MTA3: variants seen among roughly 807,000 people sequenced by gnomAD.
The protein encoded by MTA3 is metastasis-associated protein MTA3.
MTA3 carries 34 observed loss-of-function variants against 83.5 expected under a neutral mutation model. That is an observed-to-expected ratio of 0.41 (90% CI 0.31 to 0.54). The LOEUF (loss-of-function observed/expected upper bound fraction) is 0.54, where lower values mean the gene tolerates loss of function less well. Among genes scored for constraint, MTA3 ranks in the 20% least tolerant of loss-of-function variants. MTA3 has a pLI of 0.33. For synonymous variants in MTA3, 303 were observed against 252.7 expected (o/e 1.20, Z -1.89); for missense variants, 761 against 726.4 (o/e 1.05, Z -0.55).
At chr2:42,715,920 A>AG (rs1666993182) in intron 14 of MTA3, among the ~76,000 whole-genome samples, 1 of 152,236 alleles carries the variant, frequency 6.6e-6, no homozygotes, top group Non-Finnish European at 1.5e-5. Context: ...ATAGAGAAGA[A>AG]AGAAAAATTT....
intron 11 of MTA3, among the ~76,000 whole-genome samples, chr2:42,701,132 A>G (rs906141782): frequency 6.6e-6 from 1 of 151,704 alleles, no homozygotes; most frequent in Non-Finnish European, 1.5e-5. Context: ...TAAATAATAC[A>G]TTTTTATAAT....
chr2:42,682,322 A>G, intron 8 of MTA3, 79 bp from the exon 9 acceptor site: 1 of 1,034,408 alleles, frequency 9.7e-7, no homozygotes, highest in Non-Finnish European at 1.4e-6. Flanking sequence ...TACATCATAT[A>G]TTTTAGTGTT....
intron 8 of MTA3, among the ~76,000 whole-genome samples, chr2:42,669,766 A>G (rs1423449033): frequency 1.3e-5 from 2 of 152,182 alleles, no homozygotes; most frequent in African/African-American, 4.8e-5. Context: ...TTAAGCTTTA[A>G]TGAGATTTTT....
intron 16 of MTA3, among the ~76,000 whole-genome samples, chr2:42,725,736 A>G (rs891207467): frequency 1.3e-5 from 2 of 152,200 alleles, no homozygotes; most frequent in East Asian, 1.9e-4. Context: ...CTGGGGGGAC[A>G]CTGACAGGGA....
At chr2:42,680,114 A>G (rs930407396) in intron 8 of MTA3, 1 of 152,894 alleles carries the variant, frequency 6.5e-6, no homozygotes. Context: ...ATTTCTGTCA[A>G]TTCTAGGGGA....
At chr2:42,565,770 T>C (rs539723292), upstream of MTA3, among the ~76,000 whole-genome samples, 193 of 152,146 alleles carry the variant, frequency 1.3e-3, 1 homozygote, top group Non-Finnish European at 2.3e-3. Flanking sequence ...TTTGGGAGGC[T>C]GGGCAGGCAG....
chr2:42,574,557 C>T (rs1023345457), intron 2 of MTA3, among the ~76,000 whole-genome samples: 3 of 152,160 alleles, frequency 2.0e-5, no homozygotes, highest in African/African-American at 7.2e-5. Context: ...CTCCCTCAGC[C>T]TCCCAATTAG....
intron 8 of MTA3, among the ~76,000 whole-genome samples, chr2:42,664,914 CTGTT>C (rs1311074715): frequency 6.6e-6 from 1 of 152,174 alleles, no homozygotes; most frequent in African/African-American, 2.4e-5. Flanking sequence ...GGTAATTAAA[CTGTT>C]TGCACATCAG....
At chr2:42,718,903 C>T (rs1325790483) in intron 14 of MTA3, 85 bp from the exon 15 acceptor site, 2 of 1,043,886 alleles carry the variant, frequency 1.9e-6, no homozygotes, top group African/African-American at 1.6e-5. Context: ...CTGTTTTCCA[C>T]TTGTACCTTT....
In MTA3 at chr2:42,606,208, C is replaced by T. The variant is rs1410935465; in HGVS notation, c.191-3250C>T. 3.3e-4 allele frequency among the ~76,000 whole-genome samples: 36 copies of T among 108,384 alleles called. 1 individual carries two copies. Among genetic ancestry groups the T allele is most frequent in the Non-Finnish European group, 5.1e-4 (27 of 52,918 alleles). 71.1% of individuals were successfully genotyped at this position (108,384 alleles called of 152,430 possible). ...GCCGGGCGGGGGGCTGACCCCCCCCCACCTCCCTCCCGGACGGGGTGGCTG... is the reference window on the plus strand; with the variant it reads ...GCCGGGCGGGGGGCTGACCCCCCCCTACCTCCCTCCCGGACGGGGTGGCTG... On this transcript the variant is annotated intron_variant, in intron 3 of 16. Transcript: ENST00000405094.
At position 42,649,874 on chromosome 2, in the gene MTA3, A is replaced by G. The variant is rs1425593750; in HGVS notation, c.499+5630A>G. Among the ~76,000 whole-genome samples the G allele has an allele frequency of 3.9e-5, 6 of 152,234 alleles. No homozygotes were observed. In the East Asian group the frequency reaches 1.2e-3, roughly 29 times the overall value. ...GGACCTACAGCTCAGTGGAAGAAGC[A>G]TGAGTCCAGGGTTTAAGGAGATAAA... is the stretch of plus-strand genomic sequence containing the variant. On this transcript the variant is annotated intron_variant, in intron 6 of 16. Coordinates refer to ENST00000405094, the MANE Select transcript of MTA3 (RefSeq NM_001330442.2).
chr2:42,671,805 G>A (rs1690819530), intron 8 of MTA3, among the ~76,000 whole-genome samples: 1 of 152,088 alleles, frequency 6.6e-6, no homozygotes, highest in Non-Finnish European at 1.5e-5. Context: ...TTTCTGTTAG[G>A]GCCTGGAATA....
rs533650036 is a variant in MTA3 at position 42,517,191 on chromosome 2, C to T, written c.-141+21937C>T. On this transcript the variant is annotated intron_variant, in intron 2 of 17. Coordinates refer to the MTA3 transcript ENST00000405592. Reference sequence around the variant, plus strand: ...AGGAGAATCGCTTGAACACGGGAGGCGGCGGTTGCAGTGAGCCGACATCAT... The same window carrying T: ...AGGAGAATCGCTTGAACACGGGAGGTGGCGGTTGCAGTGAGCCGACATCAT... Among the ~76,000 whole-genome samples, 123 of 151,616 alleles carry T rather than the reference C, an allele frequency of 8.1e-4. 2 individuals carry two copies. Among genetic ancestry groups the T allele is most frequent in the Admixed American group, 3.2e-3 (48 of 15,188 alleles).
intron 16 of MTA3, among the ~76,000 whole-genome samples, chr2:42,747,006 GTTT>G (rs35260742): frequency 6.9e-6 from 1 of 144,564 alleles, no homozygotes; most frequent in Admixed American, 6.9e-5. Flanking sequence ...TTCTAATTTT[GTTT>G]TTTTTTTTTT....
At chr2:42,631,950 A>G (rs1038952959) in intron 4 of MTA3, among the ~76,000 whole-genome samples, 6 of 152,164 alleles carry the variant, frequency 3.9e-5, no homozygotes, top group African/African-American at 1.4e-4. Context: ...TTGGCCTCCC[A>G]AAGTGCTGGG....
chr2:42,654,799 A>G (rs1289181543), intron 6 of MTA3, among the ~76,000 whole-genome samples: 2 of 152,124 alleles, frequency 1.3e-5, no homozygotes, highest in African/African-American at 4.8e-5. Flanking sequence ...TATTTTTTGT[A>G]GAGTTGGAGT....
At chr2:42,637,580 T>C (rs1379486723) in intron 4 of MTA3, among the ~76,000 whole-genome samples, 2 of 152,200 alleles carry the variant, frequency 1.3e-5, no homozygotes, top group Non-Finnish European at 2.9e-5. Flanking sequence ...TAATTACATA[T>C]TCATATTTAC....
chr2:42,723,330 G>A lies in MTA3; in HGVS notation c.1759+295G>A, dbSNP rs182856313. Reference sequence around the variant, plus strand: ...GGTAATAATGTTCTTGCTGTGATGCGCGCTCACTGTTCATTTAAGTTTTCT... The same window carrying A: ...GGTAATAATGTTCTTGCTGTGATGCACGCTCACTGTTCATTTAAGTTTTCT... On this transcript the variant is annotated intron_variant, in intron 16 of 16. Transcript: ENST00000405094. The A allele has an allele frequency of 9.4e-4, 288 of 304,842 alleles. 2 individuals carry two copies. Among genetic ancestry groups the A allele is most frequent in the African/African-American group, 5.5e-3 (254 of 46,452 alleles). The allele number at this position is 304,842 out of a possible 1,614,324, so 18.9% of individuals were successfully genotyped here.
chr2:42,542,768 G>A lies in MTA3; in HGVS notation c.-140-27669G>A, dbSNP rs550579373. Among the ~76,000 whole-genome samples the A allele has an allele frequency of 7.5e-4, 114 of 151,990 alleles. 1 individual carries two copies. The highest frequency in any genetic ancestry group is 2.7e-3 in the African/African-American group (111 of 41,460). On this transcript the variant is annotated intron_variant, in intron 2 of 17. Coordinates refer to the MTA3 transcript ENST00000405592. ...GACAGGGCTTCACCATGTTGGCCAG[G>A]CTGGTCTCAAACACCTGACCTTAAG... is the stretch of plus-strand genomic sequence containing the variant.
Sources: gnomAD v4.1 joint callset for allele counts (sites outside exome capture counted in the v4.1 genomes callset) on GRCh38, gnomAD v4.1.1 for gene constraint, MANE v1.5 for transcripts, NCBI Gene and HGNC (gene_info 2026-07-23, HGNC 2026-07-21) for gene names.